The following SPHKAP variants were observed in gnomAD, a reference collection of about 807,000 sequenced individuals.
SPHKAP encodes SPHK1 interactor, AKAP domain containing, also known as A-kinase anchor protein SPHKAP.
Under a neutral mutation model 137.5 loss-of-function variants are expected in SPHKAP, and 67 were observed. The observed-to-expected ratio is 0.49, with a 90% CI of 0.40 to 0.60. The LOEUF (loss-of-function observed/expected upper bound fraction) is 0.60, where lower values mean the gene tolerates loss of function less well. Among genes scored for constraint, SPHKAP ranks in the 20% least tolerant of loss-of-function variants. SPHKAP has a pLI of 0.00. For missense variants in SPHKAP, 2,097 were observed against 2,069.3 expected, an observed-to-expected ratio of 1.01 and a Z score of -0.26; for synonymous variants, 813 against 785.3, an observed-to-expected ratio of 1.04 and a Z score of -0.59.
chr2:228,050,439 G>A (rs1037775488), intron 3 of SPHKAP, among the ~76,000 whole-genome samples: 1 of 152,106 alleles, frequency 6.6e-6, no homozygotes, highest in Non-Finnish European at 1.5e-5. Flanking sequence ...TGTTCTTACC[G>A]ATTTAATTTT....
intron 2 of SPHKAP, among the ~76,000 whole-genome samples, chr2:228,126,741 C>T (rs112795268): frequency 6.6e-6 from 1 of 152,118 alleles, no homozygotes; most frequent in African/African-American, 2.4e-5. Context: ...TGAAGAGTTC[C>T]TCCCTAAGCA....
chr2:228,071,602 G>A, intron 3 of SPHKAP, among the ~76,000 whole-genome samples: 1 of 152,122 alleles, frequency 6.6e-6, no homozygotes, highest in East Asian at 1.9e-4. Flanking sequence ...AATACAAAAT[G>A]AAGAGATATT....
intron 3 of SPHKAP, among the ~76,000 whole-genome samples, chr2:228,098,965 C>T (rs1361076419): frequency 6.6e-6 from 1 of 152,098 alleles, no homozygotes; most frequent in Non-Finnish European, 1.5e-5. Context: ...TGAATATTCT[C>T]TCCCATTCTG....
chr2:228,148,954 T>A (rs947910428), intron 1 of SPHKAP, among the ~76,000 whole-genome samples: 1 of 152,204 alleles, frequency 6.6e-6, no homozygotes, highest in Non-Finnish European at 1.5e-5. Context: ...GTTGAAAGTT[T>A]GCAAATATAT....
chr2:228,140,527 C>A (rs1196407100), intron 1 of SPHKAP, among the ~76,000 whole-genome samples: 1 of 152,094 alleles, frequency 6.6e-6, no homozygotes, highest in African/African-American at 2.4e-5. Flanking sequence ...CTATAGTGTG[C>A]TTTACATACT....
chr2:228,110,842 T>C (rs976904955), intron 2 of SPHKAP, among the ~76,000 whole-genome samples: 8 of 152,184 alleles, frequency 5.3e-5, no homozygotes, highest in African/African-American at 1.9e-4. Context: ...AACAAATATT[T>C]TTCTTAAAAA....
intron 3 of SPHKAP, among the ~76,000 whole-genome samples, chr2:228,105,559 T>A (rs1698313992): frequency 6.6e-6 from 1 of 152,228 alleles, no homozygotes; most frequent in South Asian, 2.1e-4. Flanking sequence ...TTATATTTGA[T>A]ACTGATATGG....
intron 2 of SPHKAP, among the ~76,000 whole-genome samples, chr2:228,120,377 G>A (rs1160089253): frequency 6.6e-6 from 1 of 152,078 alleles, no homozygotes; most frequent in East Asian, 1.9e-4. Flanking sequence ...GTTTTATGGA[G>A]CATTTATCTC....
At chr2:228,043,074 C>G (rs1230581732) in intron 3 of SPHKAP, among the ~76,000 whole-genome samples, 2 of 152,072 alleles carry the variant, frequency 1.3e-5, no homozygotes, top group Admixed American at 6.6e-5. Context: ...AAATATCAAC[C>G]ATTTCCTAGT....
chr2:228,048,078 A>T (rs951591547), intron 3 of SPHKAP, among the ~76,000 whole-genome samples: 2 of 152,116 alleles, frequency 1.3e-5, no homozygotes, highest in African/African-American at 2.4e-5. Context: ...AGGAGAAAAA[A>T]GTTGTATCTT....
chr2:228,153,088 C>T (rs1699987172), intron 1 of SPHKAP, among the ~76,000 whole-genome samples: 2 of 152,172 alleles, frequency 1.3e-5, no homozygotes, highest in Admixed American at 1.3e-4. Context: ...TCCTCTTCCA[C>T]CATGATTGTG....
chr2:227,987,759 T>C (rs963664752), intron 11 of SPHKAP, among the ~76,000 whole-genome samples: 1 of 152,184 alleles, frequency 6.6e-6, no homozygotes. Flanking sequence ...TGTTTCATTA[T>C]GAATTCCTGA....
chr2:228,019,834 A>C lies in SPHKAP; in HGVS notation c.1020T>G (p.Ile340Met). 6.2e-7 allele frequency: 1 copy of C among 1,614,144 alleles called. No homozygotes were observed. The highest frequency in any genetic ancestry group is 1.1e-5 in the South Asian group (1 of 91,060). Reference protein sequence around the residue: ...GQMEKSQALYIPKDAYFSMMD... With the variant: ...GQMEKSQALYMPKDAYFSMMD... ...TCATGGAGAAATAAGCATCTTTTGGAATATACAGTGCCTGTGATTTTTCCA... is the reference window on the plus strand; with the variant it reads ...TCATGGAGAAATAAGCATCTTTTGGCATATACAGTGCCTGTGATTTTTCCA... Residue 340 changes from isoleucine (I) to methionine (M), a missense_variant, in exon 7 of 12, where the codon ATT becomes ATG. Transcript: ENST00000392056.
At position 228,016,709 on chromosome 2, in the gene SPHKAP, G is replaced by T. The variant is rs758411799; in HGVS notation, c.4145C>A (p.Pro1382His). ...RKDSVTECKQPPVSSLSKTAS... is the reference protein window; with the variant it reads ...RKDSVTECKQHPVSSLSKTAS... The stretch of plus-strand genomic sequence containing the variant: ...AGTTTTGCTCAAAGATGACACTGGG[G>T]GCTGTTTACATTCGGTAACAGAGTC... Residue 1382 changes from proline to histidine, a missense_variant, in exon 7 of 12, where the codon CCC becomes CAC. Pro to His is a moderately conservative substitution (Grantham distance 77, BLOSUM62 -2). Transcript: ENST00000392056. 7.4e-6 allele frequency: 12 copies of T among 1,613,958 alleles called. No individual in the cohort carries two copies. In the Admixed American group the frequency reaches 8.3e-5, roughly 11 times the overall value.
chr2:228,156,372 T>A (rs1700108259), intron 1 of SPHKAP, among the ~76,000 whole-genome samples: 1 of 152,212 alleles, frequency 6.6e-6, no homozygotes, highest in Non-Finnish European at 1.5e-5. Context: ...GGCCTTCTTG[T>A]CACTGATTCA....
chr2:228,078,391 T>G (rs1224303268), intron 3 of SPHKAP, among the ~76,000 whole-genome samples: 3 of 151,812 alleles, frequency 2.0e-5, no homozygotes, highest in African/African-American at 7.3e-5. Context: ...TTTTTTTTTT[T>G]TTTTTTTTGT....
At chr2:228,023,782 C>A (rs1345253594) in intron 5 of SPHKAP, among the ~76,000 whole-genome samples, 2 of 152,198 alleles carry the variant, frequency 1.3e-5, no homozygotes, top group Non-Finnish European at 2.9e-5. Flanking sequence ...AAGTGATTCA[C>A]ACGGAGTTGA....
At chr2:228,164,989 T>C (rs1700382655) in intron 1 of SPHKAP, among the ~76,000 whole-genome samples, 1 of 152,224 alleles carries the variant, frequency 6.6e-6, no homozygotes, top group African/African-American at 2.4e-5. Flanking sequence ...GGACTCTACT[T>C]GTGTTCATTA....
At chr2:228,046,603 GT>G (rs1358127995) in intron 3 of SPHKAP, among the ~76,000 whole-genome samples, 1 of 152,062 alleles carries the variant, frequency 6.6e-6, no homozygotes, top group Non-Finnish European at 1.5e-5. Context: ...AGGGAACTGA[GT>G]TTTTTGTTTG....
Sources: gnomAD v4.1 joint callset for allele counts (sites outside exome capture counted in the v4.1 genomes callset) on GRCh38, gnomAD v4.1.1 for gene constraint, MANE v1.5 for transcripts, NCBI Gene and HGNC (gene_info 2026-07-23, HGNC 2026-07-21) for gene names.